The following DCDC1 variants were observed in gnomAD, a reference collection of about 807,000 sequenced individuals.
DCDC1 encodes the protein doublecortin domain-containing protein 1.
DCDC1 carries 200 observed loss-of-function variants against 178.3 expected under a neutral mutation model. The observed-to-expected ratio is 1.12, with a 90% CI of 1.00 to 1.26. The LOEUF (loss-of-function observed/expected upper bound fraction) is 1.26, where lower values mean the gene tolerates loss of function less well. DCDC1 is among the 50% of genes most tolerant of loss of function. The pLI, the probability that DCDC1 is intolerant of heterozygous loss-of-function variation, is 0.00. For missense variants in DCDC1, 1,983 were observed against 1,749.2 expected, an observed-to-expected ratio of 1.13 and a Z score of -2.38; for synonymous variants, 690 against 604.8, an observed-to-expected ratio of 1.14 and a Z score of -2.07.
chr11:31,225,081 G>A (rs1974750959), intron 9 of DCDC1, among the ~76,000 whole-genome samples: 1 of 152,042 alleles, frequency 6.6e-6, no homozygotes, highest in South Asian at 2.1e-4. Context: ...AGCAGCACAA[G>A]TCACAATTGC....
chr11:31,192,316 G>A (rs1970220039), intron 9 of DCDC1, among the ~76,000 whole-genome samples: 9 of 151,964 alleles, frequency 5.9e-5, no homozygotes, highest in Admixed American at 5.9e-4. Flanking sequence ...AACCCTTCAA[G>A]GAAAAACCCC....
At chr11:30,990,735 T>C (rs925459118) in intron 20 of DCDC1, among the ~76,000 whole-genome samples, 4 of 152,224 alleles carry the variant, frequency 2.6e-5, no homozygotes, top group Non-Finnish European at 5.9e-5. Flanking sequence ...ATGTTTGTTT[T>C]TTTCTGATTA....
intron 16 of DCDC1, 37 bp from the exon 17 acceptor site, chr11:31,091,548 A>C (rs1464259908): frequency 1.4e-6 from 1 of 705,464 alleles, no homozygotes; most frequent in Non-Finnish European, 2.6e-6. Context: ...AGGTCTAAAT[A>C]AGTTAAAAGA....
intron 22 of DCDC1, among the ~76,000 whole-genome samples, chr11:30,928,153 A>G (rs1275113826): frequency 6.6e-6 from 1 of 152,100 alleles, no homozygotes; most frequent in East Asian, 1.9e-4. Flanking sequence ...TAGTTATTTC[A>G]GAGCTGATTG....
intron 20 of DCDC1, among the ~76,000 whole-genome samples, chr11:31,004,681 CA>C (rs201483189): frequency 0.09 from 6,514 of 72,370 alleles, 288 homozygotes; most frequent in African/African-American, 0.26. Context: ...CACTCTGTCT[CA>C]AAAAAAAAAA....
At chr11:31,003,196 G>A (rs1384086635) in intron 20 of DCDC1, among the ~76,000 whole-genome samples, 1 of 151,606 alleles carries the variant, frequency 6.6e-6, no homozygotes, top group African/African-American at 2.4e-5. Flanking sequence ...AAAGTTAATT[G>A]AATAATAAAA....
intron 9 of DCDC1, among the ~76,000 whole-genome samples, chr11:31,147,897 T>G (rs1964624950): frequency 6.6e-6 from 1 of 152,172 alleles, no homozygotes; most frequent in Admixed American, 6.5e-5. Flanking sequence ...GGTACAGATT[T>G]TCTCTAATTC....
intron 20 of DCDC1, among the ~76,000 whole-genome samples, chr11:31,008,085 T>C (rs889489313): frequency 2.0e-5 from 3 of 152,126 alleles, no homozygotes; most frequent in Non-Finnish European, 4.4e-5. Flanking sequence ...GCATCTCCTT[T>C]GCAATGGTTA....
At chr11:31,195,634 T>C (rs999878526) in intron 9 of DCDC1, among the ~76,000 whole-genome samples, 7 of 152,202 alleles carry the variant, frequency 4.6e-5, no homozygotes, top group African/African-American at 1.7e-4. Flanking sequence ...TTGGTTTTTC[T>C]TTCATACTAT....
At position 30,952,506 on chromosome 11, in the gene DCDC1, T is replaced by C. The variant is rs1451091947; in HGVS notation, c.2654A>G (p.Asn885Ser). ...GTAGGTAAGCTTGTTCCATAGAGGA[T>C]TTTCAACTCTAGAATGTTTCCACTG... ...PGQWKHSRVE[N>S]PLWNKLTYMW... Residue 885 changes from asparagine (N) to serine (S), a missense_variant, in exon 21 of 39, where the codon AAT becomes AGT. Transcript: ENST00000684477. 1 of 1,589,186 alleles carries C rather than the reference T, an allele frequency of 6.3e-7. No individual in the cohort carries two copies. The highest frequency in any genetic ancestry group is 8.5e-7 in the Non-Finnish European group (1 of 1,172,830).
intron 7 of DCDC1, among the ~76,000 whole-genome samples, chr11:31,272,556 T>C (rs1565529038): frequency 6.6e-6 from 1 of 152,200 alleles, no homozygotes; most frequent in Non-Finnish European, 1.5e-5. Context: ...GGTACAGGCA[T>C]TGGATAAATA....
In DCDC1 at chr11:30,865,266, C is replaced by T. The variant is rs916068227; in HGVS notation, c.*107G>A. On this transcript the variant is annotated 3_prime_UTR_variant, in exon 39 of 39. Transcript: ENST00000684477. ...GATTTGCCAAATTTAGAGTCTTCAGCGATGGAAATAATTGGCCTTCTTGTC... is the reference window on the plus strand; with the variant it reads ...GATTTGCCAAATTTAGAGTCTTCAGTGATGGAAATAATTGGCCTTCTTGTC... 3 of 151,958 alleles carry T rather than the reference C, an allele frequency of 2.0e-5. No individual in the cohort carries two copies. Among genetic ancestry groups the T allele is most frequent in the Admixed American group, 6.6e-5 (1 of 15,248 alleles). The allele number at this position is 151,958 out of a possible 1,614,324, so 9.4% of individuals were successfully genotyped here. A position where few individuals can be genotyped will look rare whatever the true frequency, so the allele number is the denominator to read the frequency against.
chr11:31,119,261 C>T (rs1393752585), intron 11 of DCDC1, among the ~76,000 whole-genome samples: 1 of 152,102 alleles, frequency 6.6e-6, no homozygotes, highest in Non-Finnish European at 1.5e-5. Context: ...TACATTTTGC[C>T]CAACCTTTAG....
At chr11:30,903,746 A>G (rs1944872494) in intron 31 of DCDC1, 63 bp from the exon 32 acceptor site, 1 of 1,306,458 alleles carries the variant, frequency 7.7e-7, no homozygotes, top group Non-Finnish European at 1.0e-6. Context: ...ATGATCATTA[A>G]GAGCTTGTCA....
Position 30,878,608 on chromosome 11 carries a change from C to T in DCDC1, c.5337G>A (p.Leu1779=), listed in dbSNP as rs1470119238. The change falls in exon 38 of 39, where the codon CTG becomes CTA. Residue 1779 remains leucine, a synonymous_variant. Transcript: ENST00000684477. ...GTTAATTGTGGAGATGTGCCAGAGACAGCAGCTTCGTGGATGGTGACACCA... is the reference window on the plus strand; with the variant it reads ...GTTAATTGTGGAGATGTGCCAGAGATAGCAGCTTCGTGGATGGTGACACCA... The part of the protein sequence containing the change: ...DIVVSPSTKL[L]SLAHLHN 10 of 1,607,242 alleles carry T rather than the reference C, an allele frequency of 6.2e-6. No individual in the cohort carries two copies. In the East Asian group the frequency reaches 9.0e-5, roughly 14 times the overall value.
chr11:31,369,515 G>A (rs944253045), intron 1 of DCDC1, among the ~76,000 whole-genome samples, 182 bp downstream of exon 1: 2 of 152,128 alleles, frequency 1.3e-5, no homozygotes, highest in South Asian at 2.1e-4. Flanking sequence ...AGCACCAACC[G>A]AAAAGATTGA....
At chr11:30,874,477 C>A (rs1191480678) in intron 38 of DCDC1, among the ~76,000 whole-genome samples, 1 of 151,830 alleles carries the variant, frequency 6.6e-6, no homozygotes, top group Non-Finnish European at 1.5e-5. Flanking sequence ...GGAGAAAAGC[C>A]AGGAAGACGG....
intron 8 of DCDC1, chr11:31,262,827 G>T: frequency 2.4e-6 from 1 of 412,600 alleles, no homozygotes; most frequent in African/African-American, 2.0e-5. Context: ...CTACAGACTG[G>T]AAGTTCCTCC....
At chr11:31,334,427 C>T (rs886854821) in intron 2 of DCDC1, among the ~76,000 whole-genome samples, 2 of 152,134 alleles carry the variant, frequency 1.3e-5, no homozygotes, top group African/African-American at 2.4e-5. Context: ...CCATTGCTGG[C>T]GAGGAGCTGC....
Sources: gnomAD v4.1 joint callset for allele counts (sites outside exome capture counted in the v4.1 genomes callset) on GRCh38, gnomAD v4.1.1 for gene constraint, MANE v1.5 for transcripts, NCBI Gene and HGNC (gene_info 2026-07-23, HGNC 2026-07-21) for gene names.